CDH13: variants seen among roughly 807,000 people sequenced by gnomAD.
CDH13 encodes cadherin-13.
In CDH13, 24 loss-of-function variants were observed where a neutral mutation model predicts 63.8. That is an observed-to-expected ratio of 0.38 (90% confidence interval 0.27 to 0.53). The LOEUF is 0.53. CDH13 is among the 20% of genes least tolerant of loss of function. The pLI is 0.85. For missense variants in CDH13, 1,049 were observed against 903.1 expected, an observed-to-expected ratio of 1.16 and a Z score of -2.07; for synonymous variants, 503 against 355.3, an observed-to-expected ratio of 1.42 and a Z score of -4.67.
At chr16:82,920,862 T>G (rs1340934680) in intron 2 of CDH13, among the ~76,000 whole-genome samples, 1 of 152,218 alleles carries the variant, frequency 6.6e-6, no homozygotes, top group Non-Finnish European at 1.5e-5. Flanking sequence ...TGATGCTCCC[T>G]GAAGGCTTTT....
intron 6 of CDH13, among the ~76,000 whole-genome samples, chr16:83,437,886 A>G (rs1452764816): frequency 6.6e-6 from 1 of 151,890 alleles, no homozygotes; most frequent in East Asian, 1.9e-4. Flanking sequence ...GTTCCATGTC[A>G]CTCCAAGATG....
At chr16:82,912,807 G>C (rs1367632012) in intron 2 of CDH13, among the ~76,000 whole-genome samples, 2 of 152,092 alleles carry the variant, frequency 1.3e-5, no homozygotes, top group South Asian at 2.1e-4. Context: ...GCTGGGCGTG[G>C]TGGCGGGCAC....
intron 2 of CDH13, among the ~76,000 whole-genome samples, chr16:82,891,030 G>A (rs1426932864): frequency 4.7e-5 from 6 of 127,872 alleles, no homozygotes; most frequent in African/African-American, 1.8e-4. Context: ...TTAAGTCATA[G>A]AGGAGGGTTT....
intron 8 of CDH13, among the ~76,000 whole-genome samples, chr16:83,621,388 G>T (rs144404658): frequency 4.0e-5 from 6 of 149,044 alleles, no homozygotes; most frequent in African/African-American, 1.2e-4. Context: ...TGCTGAAGCA[G>T]CCCAGGTCTA....
Position 83,065,212 on chromosome 16 carries a change from C to A in CDH13, c.366+32994C>A, listed in dbSNP as rs1169586036. On this transcript the variant is annotated intron_variant, in intron 3 of 13. Coordinates refer to ENST00000567109, the MANE Select transcript of CDH13 (RefSeq NM_001257.5). ...AAAGAAGAGATTCTAGAAGTTATCC[C>A]TGAGGAATCCCAGCATTTAATGGTC... 2.6e-5 allele frequency among the ~76,000 whole-genome samples: 4 copies of A among 152,258 alleles called. No individual in the cohort carries two copies. In the East Asian group the frequency reaches 7.7e-4, roughly 29 times the overall value.
intron 2 of CDH13, among the ~76,000 whole-genome samples, chr16:82,969,594 A>C (rs1292350101): frequency 6.6e-6 from 1 of 151,500 alleles, no homozygotes; most frequent in Non-Finnish European, 1.5e-5. Context: ...GAACTAGGTA[A>C]TCTTTTGTTG....
In CDH13 at chr16:83,443,705, GAAAAAAAAAAAAAAAA is replaced by G. The variant is rs1167862979; in HGVS notation, c.782-42756_782-42741del. Among the ~76,000 whole-genome samples the G allele has an allele frequency of 3.2e-3, 347 of 107,012 alleles. 1 individual carries two copies. The highest frequency in any genetic ancestry group is 0.013 in the Middle Eastern group (3 of 236). 70.2% of individuals were successfully genotyped at this position (107,012 alleles called of 152,430 possible). A position where few individuals can be genotyped will look rare whatever the true frequency, so the allele number is the denominator to read the frequency against. On this transcript the variant is annotated intron_variant, in intron 6 of 13. Transcript: ENST00000567109. ...GGGCAACAGAGTGCGAAGTCCCTAC[GAAAAAAAAAAAAAAAA>G]AAAAAAAAAAAAAAATATATATATA...
Position 83,217,486 on chromosome 16 carries a change from G to A in CDH13, c.625G>A (p.Ala209Thr), listed in dbSNP as rs766066852. Residue 209 changes from alanine (A) to threonine (T), a missense_variant, in exon 5 of 14, where the codon GCT becomes ACT. Coordinates refer to ENST00000567109, the MANE Select transcript of CDH13 (RefSeq NM_001257.5). ...ACGGACCTTGGACAGAGAAGTAATC[G>A]CTGTTTATCAAGTGAGTACCCCTCT... Reference protein sequence around the residue: ...VTRTLDREVIAVYQLFVETTD... With the variant: ...VTRTLDREVITVYQLFVETTD... The A allele has an allele frequency of 1.1e-5, 17 of 1,613,348 alleles. No homozygotes were observed. The East Asian group carries it at 1.6e-4, about 15-fold the overall frequency.
chr16:82,818,114 T>TTG (rs5818411), intron 1 of CDH13, among the ~76,000 whole-genome samples: 40,643 of 149,240 alleles, frequency 0.27, 6,414 homozygotes, highest in East Asian at 0.71. Context: ...ACATGTATGG[T>TTG]TGTGTGTGTG....
At chr16:83,290,380 C>CG (rs759831181) in intron 5 of CDH13, among the ~76,000 whole-genome samples, 35 of 152,152 alleles carry the variant, frequency 2.3e-4, no homozygotes, top group African/African-American at 6.5e-4. Context: ...AATTGAATCA[C>CG]GGGGGGCAGG....
chr16:82,881,826 C>G (rs1398044776), intron 2 of CDH13, among the ~76,000 whole-genome samples: 2 of 152,066 alleles, frequency 1.3e-5, no homozygotes, highest in Admixed American at 1.3e-4. Context: ...AGCATGTCAC[C>G]TGGTTCATGA....
At chr16:83,301,319 C>G (rs954247280) in intron 5 of CDH13, among the ~76,000 whole-genome samples, 5 of 152,160 alleles carry the variant, frequency 3.3e-5, no homozygotes, top group African/African-American at 9.7e-5. Flanking sequence ...GCGTGAGCCA[C>G]CGCACCTGGT....
At chr16:83,286,127 C>G (rs2089306389) in intron 5 of CDH13, among the ~76,000 whole-genome samples, 1 of 152,160 alleles carries the variant, frequency 6.6e-6, no homozygotes, top group African/African-American at 2.4e-5. Context: ...AGCTCTCTCC[C>G]CAGTGTTTGA....
chr16:83,776,291 T>C (rs1461320349), intron 11 of CDH13, among the ~76,000 whole-genome samples: 1 of 152,202 alleles, frequency 6.6e-6, no homozygotes, highest in African/African-American at 2.4e-5. Context: ...AAAAACATAA[T>C]GGATTCTTCC....
chr16:83,451,707 G>A (rs2072891555), intron 6 of CDH13, among the ~76,000 whole-genome samples: 2 of 152,060 alleles, frequency 1.3e-5, no homozygotes, highest in South Asian at 2.1e-4. Context: ...TTGTAGAGAC[G>A]AGGTCCCACT....
At chr16:83,204,574 C>A (rs1309759733) in intron 4 of CDH13, among the ~76,000 whole-genome samples, 3 of 152,162 alleles carry the variant, frequency 2.0e-5, no homozygotes. Flanking sequence ...AGAGAGGCCA[C>A]ACAGCTTTCT....
chr16:82,679,270 T>C (rs570745714), intron 1 of CDH13, among the ~76,000 whole-genome samples: 5 of 152,288 alleles, frequency 3.3e-5, no homozygotes, highest in African/African-American at 4.8e-5. Context: ...TCTGATCATA[T>C]ACCTGGGAAG....
chr16:83,683,117 C>T (rs1331666202), intron 10 of CDH13, among the ~76,000 whole-genome samples: 1 of 152,208 alleles, frequency 6.6e-6, no homozygotes, highest in Non-Finnish European at 1.5e-5. Context: ...TCCAAGGAAC[C>T]TGTGACTACA....
At chr16:83,549,290 T>C (rs1176501910) in intron 7 of CDH13, among the ~76,000 whole-genome samples, 1 of 152,188 alleles carries the variant, frequency 6.6e-6, no homozygotes, top group Admixed American at 6.5e-5. Flanking sequence ...TCTCTGTGCT[T>C]CACCCCACCT....
Sources: allele counts gnomAD v4.1 joint callset (sites outside exome capture counted in the v4.1 genomes callset), GRCh38; gene constraint gnomAD v4.1.1; transcripts MANE v1.5; gene names NCBI Gene and HGNC (gene_info 2026-07-23, HGNC 2026-07-21).